KIF26B: variants seen among roughly 807,000 people sequenced by gnomAD.
The protein encoded by KIF26B is kinesin-like protein KIF26B.
Under a neutral mutation model 151.2 loss-of-function variants are expected in KIF26B, and 63 were observed. That is an observed-to-expected ratio of 0.42 (90% confidence interval 0.34 to 0.51). The LOEUF is 0.51. Among genes scored for constraint, KIF26B ranks in the 20% least tolerant of loss-of-function variants. The pLI, the probability that KIF26B is intolerant of heterozygous loss-of-function variation, is 0.07. For synonymous variants in KIF26B, 1,357 were observed against 1,262.1 expected (o/e 1.08, Z -1.59); for missense variants, 2,813 against 2,913.6 (o/e 0.97, Z 0.79).
intron 2 of KIF26B, among the ~76,000 whole-genome samples, chr1:245,306,978 G>T (rs376460058): frequency 5.3e-5 from 8 of 152,268 alleles, no homozygotes; most frequent in African/African-American, 1.9e-4. Flanking sequence ...TCCCAGATAG[G>T]ATACTGTTTT....
chr1:245,359,060 T>C (rs934077649), intron 2 of KIF26B, among the ~76,000 whole-genome samples: 2 of 151,920 alleles, frequency 1.3e-5, no homozygotes, highest in East Asian at 3.9e-4. Flanking sequence ...GCTCTGTTGC[T>C]CAGGCTGGAG....
chr1:245,226,586 C>A (rs1315857876), intron 2 of KIF26B, among the ~76,000 whole-genome samples: 1 of 152,054 alleles, frequency 6.6e-6, no homozygotes, highest in Non-Finnish European at 1.5e-5. Context: ...GCCTCAGCCT[C>A]CTGAGTAGCT....
rs1672578874 is a variant in KIF26B at position 245,352,045 on chromosome 1, TAGAA to T, written c.466-14788_466-14785del. 6.6e-6 allele frequency among the ~76,000 whole-genome samples: 1 copy of T among 152,212 alleles called. No individual in the cohort carries two copies. Among genetic ancestry groups the T allele is most frequent in the South Asian group, 2.1e-4 (1 of 4,826 alleles). On this transcript the variant is annotated intron_variant, in intron 2 of 14. Transcript: ENST00000407071. The surrounding 1 kb of genome is among the most constrained non-coding windows in gnomAD (Gnocchi z 5.0). ...ATGAAAAAATGAGATTTGAAAGTTT[TAGAA>T]TGTGGCTGTGTGTGTGAGAGAGATC...
chr1:245,255,368 T>A (rs1464965767), intron 2 of KIF26B, among the ~76,000 whole-genome samples: 3 of 152,272 alleles, frequency 2.0e-5, no homozygotes, highest in African/African-American at 4.8e-5. Context: ...TTACAGCCAG[T>A]GTCCTTTGGA....
intron 3 of KIF26B, among the ~76,000 whole-genome samples, chr1:245,415,657 T>A (rs1466947109): frequency 6.6e-6 from 1 of 152,184 alleles, no homozygotes; most frequent in South Asian, 2.1e-4. Flanking sequence ...TTTTTCAGAA[T>A]TATAAAAATG....
In KIF26B at chr1:245,703,091, A is replaced by G. The variant is rs931268628; in HGVS notation, c.*485A>G. On this transcript the variant is annotated 3_prime_UTR_variant, in exon 15 of 15. Coordinates refer to ENST00000407071, the MANE Select transcript of KIF26B (RefSeq NM_018012.4). ...ACAGATGGTGCTAGTCAAGATGAAA[A>G]CAACAAAACAAACAAGAAAAACATT... is the stretch of plus-strand genomic sequence containing the variant. 1 of 153,700 alleles carries G rather than the reference A, an allele frequency of 6.5e-6. No individual in the cohort carries two copies. Among genetic ancestry groups the G allele is most frequent in the African/African-American group, 2.4e-5 (1 of 41,502 alleles). 9.5% of individuals were successfully genotyped at this position (153,700 alleles called of 1,614,324 possible). A position where few individuals can be genotyped will look rare whatever the true frequency, so the allele number is the denominator to read the frequency against.
At chr1:245,661,801 A>T (rs2044144134) in intron 10 of KIF26B, among the ~76,000 whole-genome samples, 1 of 139,880 alleles carries the variant, frequency 7.1e-6, no homozygotes, top group Non-Finnish European at 1.6e-5. Context: ...ACACACACAC[A>T]ATATATATAC....
At chr1:245,372,393 G>C (rs1025648997) in intron 3 of KIF26B, among the ~76,000 whole-genome samples, 1 of 152,038 alleles carries the variant, frequency 6.6e-6, no homozygotes, top group Non-Finnish European at 1.5e-5. Context: ...CTGGTTTGGG[G>C]GTACACGTGC....
At chr1:245,298,190 A>G (rs934643761) in intron 2 of KIF26B, among the ~76,000 whole-genome samples, 5 of 152,188 alleles carry the variant, frequency 3.3e-5, no homozygotes, top group Non-Finnish European at 7.3e-5. Flanking sequence ...CCCAGCCCTA[A>G]TGTTCTAACT....
At chr1:245,194,832 G>A (rs2103534655) in intron 2 of KIF26B, among the ~76,000 whole-genome samples, 1 of 152,326 alleles carries the variant, frequency 6.6e-6, no homozygotes, top group African/African-American at 2.4e-5. Context: ...AAAATCTGTT[G>A]TAATAGAAAT....
chr1:245,473,497 C>T (rs1253621124), intron 4 of KIF26B, among the ~76,000 whole-genome samples: 1 of 147,214 alleles, frequency 6.8e-6, no homozygotes, highest in Admixed American at 6.6e-5. Context: ...ATTCTATATT[C>T]TGCACTATAT....
At chr1:245,212,063 A>T (rs1423528073) in intron 2 of KIF26B, among the ~76,000 whole-genome samples, 1 of 152,012 alleles carries the variant, frequency 6.6e-6, no homozygotes, top group East Asian at 1.9e-4. Flanking sequence ...TGGCCCAGGG[A>T]CACTGCCCCT....
chr1:245,662,777 G>C (rs202203162), intron 10 of KIF26B, among the ~76,000 whole-genome samples: 1 of 15,252 alleles, frequency 6.6e-5, no homozygotes, highest in Non-Finnish European at 1.3e-4. Flanking sequence ...ACACACACAT[G>C]CATGCCCTGG....
intron 2 of KIF26B, among the ~76,000 whole-genome samples, chr1:245,360,871 G>A (rs987156523): frequency 5.3e-5 from 8 of 152,056 alleles, no homozygotes; most frequent in African/African-American, 1.2e-4. Context: ...AAAATTAGCC[G>A]GGTGTGGCGG....
At chr1:245,226,443 G>A (rs191780075) in intron 2 of KIF26B, among the ~76,000 whole-genome samples, 1 of 151,824 alleles carries the variant, frequency 6.6e-6, no homozygotes, top group African/African-American at 2.4e-5. Context: ...CTGTATTCTT[G>A]TGGAGGGTGC....
In KIF26B at chr1:245,156,455, C is replaced by A; in HGVS notation, c.237C>A (p.Ser79Arg). ...PSPGSGTSSP[S>R]SFTGSPGPAS... ...CCGGCTCGGGCACCTCGTCCCCGAG[C>A]TCGTTCACCGGCTCCCCGGGACCCG... Residue 79 changes from serine to arginine, a missense_variant, in exon 2 of 15, where the codon AGC becomes AGA. Coordinates refer to ENST00000407071, the MANE Select transcript of KIF26B (RefSeq NM_018012.4). The A allele has an allele frequency of 6.6e-7, 1 of 1,526,488 alleles. No individual in the cohort carries two copies. The highest frequency in any genetic ancestry group is 8.8e-7 in the Non-Finnish European group (1 of 1,140,694). The allele number at this position is 1,526,488 out of a possible 1,614,324, so 94.6% of individuals were successfully genotyped here. A position where few individuals can be genotyped will look rare whatever the true frequency, so the allele number is the denominator to read the frequency against.
intron 5 of KIF26B, among the ~76,000 whole-genome samples, chr1:245,591,923 C>T (rs1181526933): frequency 6.6e-6 from 1 of 152,186 alleles, no homozygotes; most frequent in Non-Finnish European, 1.5e-5. Flanking sequence ...CAGTGCCTCA[C>T]GGGGAAGGGC....
At chr1:245,265,382 A>G (rs1236794342) in intron 2 of KIF26B, among the ~76,000 whole-genome samples, 1 of 152,132 alleles carries the variant, frequency 6.6e-6, no homozygotes, top group African/African-American at 2.4e-5. Context: ...ATTGTGGACA[A>G]GTGGGAGAAG....
At chr1:245,656,876 C>T (rs1366322301) in intron 10 of KIF26B, among the ~76,000 whole-genome samples, 1 of 151,792 alleles carries the variant, frequency 6.6e-6, no homozygotes, top group African/African-American at 2.4e-5. Context: ...TCTAATTGAA[C>T]AATTTTTGAA....
Sources: gnomAD v4.1 joint callset for allele counts (sites outside exome capture counted in the v4.1 genomes callset) on GRCh38, gnomAD v4.1.1 for gene constraint, Gnocchi (gnomAD v3.1) non-coding constraint, MANE v1.5 for transcripts, NCBI Gene and HGNC (gene_info 2026-07-23, HGNC 2026-07-21) for gene names.